The following MSRA variants were observed in gnomAD, a reference collection of about 807,000 sequenced individuals.
The protein encoded by MSRA is methionine sulfoxide reductase A, also known as mitochondrial peptide methionine sulfoxide reductase.
Under a neutral mutation model 31.3 loss-of-function variants are expected in MSRA, and 54 were observed. That is an observed-to-expected ratio of 1.73 (90% CI 1.39 to 2.17). MSRA has a LOEUF of 2.17. MSRA is among the 30% of genes most tolerant of loss of function. The probability of loss-of-function intolerance (pLI) is 0.00; values close to 1 mark genes in which losing one functional copy is unlikely to be tolerated. For synonymous variants in MSRA, 169 were observed against 116.5 expected, an observed-to-expected ratio of 1.45 and a Z score of -2.90; for missense variants, 507 against 300.9, an observed-to-expected ratio of 1.69 and a Z score of -5.07.
At chr8:10,417,534 G>C (rs530421035) in intron 5 of MSRA, among the ~76,000 whole-genome samples, 2 of 152,182 alleles carry the variant, frequency 1.3e-5, no homozygotes, top group East Asian at 3.9e-4. Flanking sequence ...CGCAGGAGGT[G>C]GGGGTGCATC....
At chr8:10,248,872 G>A (rs180729365) in intron 3 of MSRA, among the ~76,000 whole-genome samples, 7 of 152,314 alleles carry the variant, frequency 4.6e-5, no homozygotes, top group East Asian at 3.9e-4. Flanking sequence ...GAATAAAGTC[G>A]CCCATTGAGA....
chr8:10,401,404 C>T (rs1171435945), intron 5 of MSRA, among the ~76,000 whole-genome samples: 1 of 152,150 alleles, frequency 6.6e-6, no homozygotes, highest in African/African-American at 2.4e-5. Flanking sequence ...CAAAACAAAA[C>T]AGAGAATAAT....
intron 1 of MSRA, among the ~76,000 whole-genome samples, chr8:10,106,724 C>T (rs2128936910): frequency 6.6e-6 from 1 of 152,326 alleles, no homozygotes; most frequent in African/African-American, 2.4e-5. Flanking sequence ...ATGGGACCAC[C>T]AGGAGAATAT....
At chr8:10,209,526 T>G (rs934166869) in intron 2 of MSRA, among the ~76,000 whole-genome samples, 2 of 152,170 alleles carry the variant, frequency 1.3e-5, no homozygotes, top group Admixed American at 1.3e-4. Context: ...TCTTTTCTTT[T>G]CTTTCTATTT....
rs1809355004 is a variant in MSRA, at chr8:10,428,674, C to A, written c.*362C>A. On this transcript the variant is annotated 3_prime_UTR_variant, in exon 6 of 6. Transcript: ENST00000317173. ...GTCCTTTATCTGTGCTCTCTGCCCG[C>A]CAGTGCCTTACAATTTGCAAACGTG... 1.2e-5 allele frequency: 3 copies of A among 257,048 alleles called. No homozygotes were observed. The highest frequency in any genetic ancestry group is 7.0e-5 in the African/African-American group (3 of 42,860). 15.9% of individuals were successfully genotyped at this position (257,048 alleles called of 1,614,324 possible). A position where few individuals can be genotyped will look rare whatever the true frequency, so the allele number is the denominator to read the frequency against.
intron 4 of MSRA, among the ~76,000 whole-genome samples, chr8:10,316,037 T>G (rs1164808308): frequency 6.6e-6 from 1 of 152,210 alleles, no homozygotes; most frequent in African/African-American, 2.4e-5. Context: ...CATTTTTCTT[T>G]TTGCTTTTAG....
At chr8:10,369,133 C>G (rs1255968068) in intron 5 of MSRA, among the ~76,000 whole-genome samples, 1 of 151,942 alleles carries the variant, frequency 6.6e-6, no homozygotes, top group Non-Finnish European at 1.5e-5. Context: ...TAAGTAGTGA[C>G]TGAGTATTTA....
chr8:10,416,425 G>A lies in MSRA; in HGVS notation c.544-11723G>A, dbSNP rs117532320. 6.6e-5 allele frequency among the ~76,000 whole-genome samples: 10 copies of A among 152,318 alleles called. No homozygotes were observed. The East Asian group carries it at 1.2e-3, about 18-fold the overall frequency. ...AACGCAGGAAATAAACGATTCCATC[G>A]GGCCGTGGTGCTCCCAGCGTGGGTT... On this transcript the variant is annotated intron_variant, in intron 5 of 5. Coordinates refer to ENST00000317173, the MANE Select transcript of MSRA (RefSeq NM_012331.5).
chr8:10,088,743 A>G (rs577748104), intron 1 of MSRA, among the ~76,000 whole-genome samples: 1 of 152,300 alleles, frequency 6.6e-6, no homozygotes, highest in East Asian at 1.9e-4. Flanking sequence ...CTCAGAAAAA[A>G]AAAGTCTATC....
At chr8:10,260,753 G>A (rs752616536) in intron 3 of MSRA, among the ~76,000 whole-genome samples, 26 of 152,278 alleles carry the variant, frequency 1.7e-4, no homozygotes, top group South Asian at 1.0e-3. Context: ...TACATTGTGT[G>A]CGTGTGTGTG....
chr8:10,152,754 C>T (rs1803816878), intron 1 of MSRA, among the ~76,000 whole-genome samples: 1 of 152,160 alleles, frequency 6.6e-6, no homozygotes, highest in Non-Finnish European at 1.5e-5. Flanking sequence ...ACAATAGCTC[C>T]ACGTGCCCGT....
intron 1 of MSRA, among the ~76,000 whole-genome samples, chr8:10,127,434 G>GA (rs1563127140): frequency 6.6e-6 from 1 of 152,194 alleles, no homozygotes; most frequent in African/African-American, 2.4e-5. Context: ...GGATGAAGGA[G>GA]AAACAGCTTC....
chr8:10,296,296 A>G (rs1418740370), intron 3 of MSRA, among the ~76,000 whole-genome samples: 1 of 152,228 alleles, frequency 6.6e-6, no homozygotes, highest in Non-Finnish European at 1.5e-5. Flanking sequence ...GTTTTCTCCT[A>G]GAGTTGAGTC....
At chr8:10,320,690 A>G (rs1801999732) in intron 5 of MSRA, among the ~76,000 whole-genome samples, 1 of 152,132 alleles carries the variant, frequency 6.6e-6, no homozygotes, top group Admixed American at 6.5e-5. Flanking sequence ...TTTTCTCACA[A>G]TTCTGGAGGC....
At chr8:10,096,219 T>A in intron 1 of MSRA, 1 of 1,246,524 alleles carries the variant, frequency 8.0e-7, no homozygotes, top group Non-Finnish European at 1.0e-6. Flanking sequence ...TGCTGCTTCA[T>A]GCTGTCCTAA....
At chr8:10,266,668 T>C (rs770712231) in intron 3 of MSRA, among the ~76,000 whole-genome samples, 3 of 152,132 alleles carry the variant, frequency 2.0e-5, no homozygotes, top group African/African-American at 7.2e-5. Context: ...CTAACACAAA[T>C]ATTTTCTCTT....
chr8:10,345,961 A>G (rs1202349706), intron 5 of MSRA, among the ~76,000 whole-genome samples: 2 of 152,216 alleles, frequency 1.3e-5, no homozygotes, highest in African/African-American at 4.8e-5. Context: ...TTGGAAACCT[A>G]CAGCCTACCT....
At chr8:10,270,772 G>A (rs1184441762) in intron 3 of MSRA, among the ~76,000 whole-genome samples, 1 of 152,216 alleles carries the variant, frequency 6.6e-6, no homozygotes, top group Non-Finnish European at 1.5e-5. Context: ...GAAGAATTTA[G>A]GAAAGCTGTG....
intron 1 of MSRA, among the ~76,000 whole-genome samples, chr8:10,181,405 C>T (rs190236161): frequency 1.3e-5 from 2 of 148,744 alleles, no homozygotes; most frequent in African/African-American, 5.0e-5. Context: ...AGCTTGTGCA[C>T]ACGTACCCTA....
Sources: gnomAD v4.1 joint callset for allele counts (sites outside exome capture counted in the v4.1 genomes callset) on GRCh38, gnomAD v4.1.1 for gene constraint, MANE v1.5 for transcripts, NCBI Gene and HGNC (gene_info 2026-07-23, HGNC 2026-07-21) for gene names.